The following WDR49 variants were observed in gnomAD, a reference collection of about 807,000 sequenced individuals.
WDR49 encodes the protein cilia- and flagella-associated protein 337.
A neutral mutation model predicts 119.5 loss-of-function variants in WDR49; 107 were observed. That is an observed-to-expected ratio of 0.90 (90% CI 0.77 to 1.05). WDR49 has a LOEUF of 1.05. WDR49 is among the 50% of genes least tolerant of loss of function. The probability of loss-of-function intolerance (pLI) is 0.00; values close to 1 mark genes in which losing one functional copy is unlikely to be tolerated. For synonymous variants in WDR49, 425 were observed against 418.8 expected, an observed-to-expected ratio of 1.01 and a Z score of -0.18; for missense variants, 1,240 against 1,220.5, an observed-to-expected ratio of 1.02 and a Z score of -0.24.
rs147874212 is a variant in WDR49, at chr3:167,580,926, A to T, written c.1276-4775T>A. On this transcript the variant is annotated intron_variant, in intron 7 of 18. Coordinates refer to ENST00000682715, the MANE Select transcript of WDR49 (RefSeq NM_001366157.1). ...GATTCACAAACTTTTAAGCTTAAAA[A>T]TTACAATGGAATAATTTTTTTAATT... Among the ~76,000 whole-genome samples the T allele has an allele frequency of 3.3e-5, 5 of 152,308 alleles. No homozygotes were observed. The East Asian group carries it at 9.6e-4, about 29-fold the overall frequency.
chr3:167,557,748 G>A (rs559267368), intron 9 of WDR49, among the ~76,000 whole-genome samples: 77 of 84,644 alleles, frequency 9.1e-4, no homozygotes, highest in South Asian at 2.9e-3. Context: ...GCGAGACTCC[G>A]TCTCAAAAAA....
intron 14 of WDR49, 70 bp from the exon 15 acceptor site, chr3:167,528,087 T>C: frequency 7.4e-7 from 1 of 1,346,308 alleles, no homozygotes. Context: ...ATAACACTTT[T>C]AAAAAAAGGC....
At chr3:167,615,284 T>C (rs1245550426) in intron 5 of WDR49, among the ~76,000 whole-genome samples, 1 of 152,062 alleles carries the variant, frequency 6.6e-6, no homozygotes, top group Non-Finnish European at 1.5e-5. Flanking sequence ...TACAGGCCCA[T>C]GCCACCACAC....
chr3:167,577,446 A>G (rs1714305642), intron 7 of WDR49, among the ~76,000 whole-genome samples: 1 of 152,160 alleles, frequency 6.6e-6, no homozygotes, highest in South Asian at 2.1e-4. Context: ...TCTTAACCCT[A>G]TCTCTGTAAC....
intron 5 of WDR49, among the ~76,000 whole-genome samples, chr3:167,618,060 T>G (rs1430208549): frequency 6.6e-6 from 1 of 152,176 alleles, no homozygotes; most frequent in Non-Finnish European, 1.5e-5. Context: ...GTCTGATCTA[T>G]TCATGTCTAC....
chr3:167,633,044 T>A (rs551836254), intron 2 of WDR49, among the ~76,000 whole-genome samples: 82 of 151,970 alleles, frequency 5.4e-4, no homozygotes, highest in African/African-American at 1.9e-3. Flanking sequence ...ATAAATTGAG[T>A]CATCATGTCA....
chr3:167,500,240 C>G lies in WDR49; in HGVS notation c.2944G>C (p.Ala982Pro), dbSNP rs758078905. The G allele has an allele frequency of 2.5e-6, 4 of 1,605,812 alleles. No individual in the cohort carries two copies. The highest frequency in any genetic ancestry group is 1.3e-5 in the African/African-American group (1 of 74,206). The change falls in exon 18 of 19, where the codon GCT becomes CCT. Residue 982 changes from alanine (A) to proline (P), a missense_variant. Physicochemically the swap from Ala to Pro is conservative, Grantham distance 27. Transcript: ENST00000682715. ...TATTTCTCAGGGTCTAGAAGGAAAG[C>G]AGGTTTATTCACTTCAGGCAGCTCT... ...LEELPEVNKP[A>P]FLLDPEKYFR...
At chr3:167,645,852 C>T (rs945431157) in intron 2 of WDR49, among the ~76,000 whole-genome samples, 5 of 152,090 alleles carry the variant, frequency 3.3e-5, no homozygotes, top group African/African-American at 9.7e-5. Flanking sequence ...AATGGCATTG[C>T]GTTAATCAGA....
At chr3:167,602,514 A>C (rs1172453609) in intron 6 of WDR49, among the ~76,000 whole-genome samples, 2 of 152,072 alleles carry the variant, frequency 1.3e-5, no homozygotes, top group African/African-American at 4.8e-5. Context: ...GGAAAAGGCT[A>C]TGTATGAGGT....
At chr3:167,655,921 C>G (rs1169532254), upstream of WDR49, among the ~76,000 whole-genome samples, 1 of 151,998 alleles carries the variant, frequency 6.6e-6, no homozygotes, top group Non-Finnish European at 1.5e-5. Context: ...ATCTCTCTCT[C>G]TCTCTATATA....
At chr3:167,491,401 A>G (rs1560247553) in intron 18 of WDR49, among the ~76,000 whole-genome samples, 1 of 152,034 alleles carries the variant, frequency 6.6e-6, no homozygotes, top group Non-Finnish European at 1.5e-5. Context: ...CTCTCCTCTC[A>G]TATATTCCAG....
At chr3:167,501,468 A>G (rs1371401569) in intron 17 of WDR49, among the ~76,000 whole-genome samples, 1 of 152,164 alleles carries the variant, frequency 6.6e-6, no homozygotes, top group Non-Finnish European at 1.5e-5. Context: ...TTACATATCT[A>G]TCTCGTGTAA....
chr3:167,581,236 CG>C (rs1714513996), intron 7 of WDR49, among the ~76,000 whole-genome samples: 1 of 151,950 alleles, frequency 6.6e-6, no homozygotes, highest in African/African-American at 2.4e-5. Flanking sequence ...TTCTTTTAAC[CG>C]TTAACCTTAT....
intron 7 of WDR49, among the ~76,000 whole-genome samples, chr3:167,584,696 T>C (rs1714716862): frequency 6.6e-6 from 1 of 151,966 alleles, no homozygotes; most frequent in Admixed American, 6.6e-5. Flanking sequence ...AGACAGATTA[T>C]CCAAAAAATA....
At chr3:167,543,756 C>T (rs1244606543) in intron 10 of WDR49, among the ~76,000 whole-genome samples, 2 of 151,966 alleles carry the variant, frequency 1.3e-5, no homozygotes, top group African/African-American at 4.8e-5. Context: ...ACTTTCACCA[C>T]GTCTATTCAA....
chr3:167,540,734 G>C (rs1577227227), intron 10 of WDR49, among the ~76,000 whole-genome samples: 1 of 82,552 alleles, frequency 1.2e-5, no homozygotes. Flanking sequence ...CAATTCAGAA[G>C]GCAGATTATT....
intron 1 of WDR49, 102 bp from the exon 2 acceptor site, chr3:167,653,601 A>G: frequency 1.6e-6 from 1 of 644,102 alleles, no homozygotes; most frequent in Non-Finnish European, 2.4e-6. Context: ...GAGGTAGGAA[A>G]TGAAAGCCCT....
At chr3:167,540,515 A>C (rs574337022) in intron 10 of WDR49, among the ~76,000 whole-genome samples, 1 of 152,236 alleles carries the variant, frequency 6.6e-6, no homozygotes, top group East Asian at 1.9e-4. Context: ...ACAGCAAGGG[A>C]CCACCCCACC....
At chr3:167,586,794 A>T (rs892034208) in intron 7 of WDR49, among the ~76,000 whole-genome samples, 1 of 152,230 alleles carries the variant, frequency 6.6e-6, no homozygotes, top group Admixed American at 6.5e-5. Context: ...TAATGCAAAC[A>T]AAACAAAAAT....
Sources: allele counts gnomAD v4.1 joint callset (sites outside exome capture counted in the v4.1 genomes callset), GRCh38; gene constraint gnomAD v4.1.1; transcripts MANE v1.5; gene names NCBI Gene and HGNC (gene_info 2026-07-23, HGNC 2026-07-21).